Variants in MGAT1 observed in about 807,000 individuals in gnomAD.
MGAT1 encodes the protein N-glycosyl-oligosaccharide-glycoprotein N-acetylglucosaminyltransferase I.
A neutral mutation model predicts 31.7 loss-of-function variants in MGAT1; 14 were observed. That is an observed-to-expected ratio of 0.44 (90% CI 0.29 to 0.69). The LOEUF (loss-of-function observed/expected upper bound fraction) is 0.69, where lower values mean the gene tolerates loss of function less well. MGAT1 is among the 30% of genes least tolerant of loss of function. The pLI, the probability that MGAT1 is intolerant of heterozygous loss-of-function variation, is 0.12. For synonymous variants in MGAT1, 338 were observed against 276.0 expected (o/e 1.22, Z -2.23); for missense variants, 557 against 626.0 (o/e 0.89, Z 1.18).
At chr5:180,800,860 C>G (rs1339961230) in intron 1 of MGAT1, among the ~76,000 whole-genome samples, 1 of 152,360 alleles carries the variant, frequency 6.6e-6, no homozygotes, top group South Asian at 2.1e-4. Flanking sequence ...TGCCCTTAAT[C>G]CTGACCTGAG....
At chr5:180,805,895 C>T (rs1561873557), upstream of MGAT1, among the ~76,000 whole-genome samples, 1 of 152,190 alleles carries the variant, frequency 6.6e-6, no homozygotes, top group East Asian at 1.9e-4. Context: ...GAAAGATTAA[C>T]ATAATAATCA....
intron 2 of MGAT1, among the ~76,000 whole-genome samples, chr5:180,808,350 G>C (rs1391552710): frequency 3.3e-5 from 5 of 152,060 alleles, no homozygotes; most frequent in Admixed American, 3.3e-4. Flanking sequence ...TGTTGGAAGG[G>C]CCTTTAAAGG....
At chr5:180,794,617 G>A (rs546150148) in intron 1 of MGAT1, among the ~76,000 whole-genome samples, 3 of 152,204 alleles carry the variant, frequency 2.0e-5, no homozygotes, top group South Asian at 2.1e-4. Flanking sequence ...TAATAATTAC[G>A]TAGCTATGCT....
At chr5:180,802,515 C>G (rs1771059790) in intron 1 of MGAT1, among the ~76,000 whole-genome samples, 165 bp downstream of exon 1, 1 of 152,240 alleles carries the variant, frequency 6.6e-6, no homozygotes, top group South Asian at 2.1e-4. Flanking sequence ...AAGGGACTAA[C>G]GCGCAGCTGG....
At position 180,786,099 on chromosome 5, in the gene MGAT1, G is replaced by A. The variant is rs75657520; in HGVS notation, c.*5535C>T. On this transcript the variant is annotated 3_prime_UTR_variant, in exon 2 of 2. Transcript: ENST00000307826. The stretch of plus-strand genomic sequence containing the variant: ...CAGGGCAGCATTTGCTGTGAGCTGG[G>A]AGCCATGTGTTGAAGACGGCGGAAC... The A allele has an allele frequency of 0.024, 3,719 of 152,384 alleles. 65 individuals carry two copies. Among genetic ancestry groups the A allele is most frequent in the Non-Finnish European group, 0.034 (2,338 of 68,046 alleles). 9.4% of individuals were successfully genotyped at this position (152,384 alleles called of 1,614,324 possible). A position where few individuals can be genotyped will look rare whatever the true frequency, so the allele number is the denominator to read the frequency against.
chr5:180,800,673 C>T (rs1770559612), intron 1 of MGAT1, among the ~76,000 whole-genome samples: 2 of 151,494 alleles, frequency 1.3e-5, no homozygotes, highest in African/African-American at 4.9e-5. Context: ...GTCTTACTCA[C>T]TGGTCAAGGG....
rs1253028457 is a variant in MGAT1 at position 180,786,464 on chromosome 5, C to T, written c.*5170G>A. Reference sequence around the variant, plus strand: ...CTGTAGTCGCCCATACAATCACTCCCTTCTTAGTAACAGGAATCTTAATTT... The same window carrying T: ...CTGTAGTCGCCCATACAATCACTCCTTTCTTAGTAACAGGAATCTTAATTT... On this transcript the variant is annotated 3_prime_UTR_variant, in exon 2 of 2. Transcript: ENST00000307826. 1 of 152,266 alleles carries T rather than the reference C, an allele frequency of 6.6e-6. No homozygotes were observed. The highest frequency in any genetic ancestry group is 1.5e-5 in the Non-Finnish European group (1 of 68,064). The allele number at this position is 152,266 out of a possible 1,614,324, so 9.4% of individuals were successfully genotyped here.
chr5:180,794,462 G>A (rs1768928582), intron 1 of MGAT1, among the ~76,000 whole-genome samples: 2 of 149,676 alleles, frequency 1.3e-5, no homozygotes, highest in South Asian at 4.2e-4. Flanking sequence ...TTACAACTGC[G>A]TGGTACTGGT....
rs891815607 is a variant in MGAT1 at position 180,788,727 on chromosome 5, A to G, written c.*2907T>C. On this transcript the variant is annotated 3_prime_UTR_variant, in exon 2 of 2. Coordinates refer to ENST00000307826, the MANE Select transcript of MGAT1 (RefSeq NM_002406.4). ...GGTACTTATCCTGGAGCACTAAGTA[A>G]GTTGGTACTTATCCTGGAGCACTAA... 1.5e-5 allele frequency: 2 copies of G among 133,558 alleles called. No individual in the cohort carries two copies. The highest frequency in any genetic ancestry group is 5.6e-5 in the African/African-American group (2 of 35,612). The allele number at this position is 133,558 out of a possible 1,614,324, so 8.3% of individuals were successfully genotyped here. A position where few individuals can be genotyped will look rare whatever the true frequency, so the allele number is the denominator to read the frequency against.
At chr5:180,809,124 A>C (rs1226933791) in intron 1 of MGAT1, 1 of 152,118 alleles carries the variant, frequency 6.6e-6, no homozygotes. Flanking sequence ...AGATACCCAA[A>C]TAGAGTCCTA....
chr5:180,794,732 G>C (rs538008256), intron 1 of MGAT1, among the ~76,000 whole-genome samples: 3 of 152,228 alleles, frequency 2.0e-5, no homozygotes, highest in East Asian at 3.9e-4. Flanking sequence ...TGGATCACAA[G>C]GGGGGCAGGG....
chr5:180,808,549 T>C (rs1256585946), intron 2 of MGAT1: 1 of 152,276 alleles, frequency 6.6e-6, no homozygotes, highest in Non-Finnish European at 1.5e-5. Flanking sequence ...CTCATCTGGA[T>C]AAGATTTCCT....
At chr5:180,805,385 C>T (rs1771712497), upstream of MGAT1, among the ~76,000 whole-genome samples, 1 of 152,200 alleles carries the variant, frequency 6.6e-6, no homozygotes, top group Non-Finnish European at 1.5e-5. Flanking sequence ...CCCAAGATCC[C>T]TGACACTTTT....
intron 1 of MGAT1, among the ~76,000 whole-genome samples, chr5:180,812,845 A>T (rs994264018): frequency 8.5e-5 from 13 of 152,354 alleles, no homozygotes; most frequent in African/African-American, 2.6e-4. Context: ...TTAAAAAATT[A>T]TTAAAAAATA....
At chr5:180,793,854 A>C (rs1768767231) in intron 1 of MGAT1, among the ~76,000 whole-genome samples, 1 of 152,214 alleles carries the variant, frequency 6.6e-6, no homozygotes, top group African/African-American at 2.4e-5. Flanking sequence ...AATAAACTTA[A>C]ATAAACTTAA....
chr5:180,810,876 A>G (rs1029000858), intron 1 of MGAT1: 1 of 152,210 alleles, frequency 6.6e-6, no homozygotes, highest in East Asian at 1.9e-4. Flanking sequence ...GCCCTCTGAC[A>G]GGTGCTGTTG....
intron 1 of MGAT1, among the ~76,000 whole-genome samples, 187 bp from the exon 2 acceptor site, chr5:180,793,284 A>C (rs896361181): frequency 2.0e-5 from 3 of 152,182 alleles, no homozygotes; most frequent in African/African-American, 7.2e-5. Context: ...AGGGAGAGGC[A>C]GAGAGTGATG....
chr5:180,801,308 A>C (rs1770717351), intron 1 of MGAT1, among the ~76,000 whole-genome samples: 2 of 152,266 alleles, frequency 1.3e-5, no homozygotes, highest in South Asian at 2.1e-4. Flanking sequence ...CAGAAGTGGA[A>C]GAAATGGTAA....
rs1296613151 is a variant in MGAT1, at chr5:180,792,316, A to T, written c.656T>A (p.Phe219Tyr). ...EDDLEVAPDF[F>Y]EYFRATYPLL... ...CGGATAGGTGGCCCGAAAGTACTCGAAGAAGTCCGGGGCCACCTCCAGGTC... is the reference window on the plus strand; with the variant it reads ...CGGATAGGTGGCCCGAAAGTACTCGTAGAAGTCCGGGGCCACCTCCAGGTC... The change falls in exon 2 of 2, where the codon TTC (phenylalanine) becomes TAC (tyrosine). Residue 219 changes from phenylalanine (F) to tyrosine (Y), a missense_variant. Transcript: ENST00000307826. 2 of 1,610,396 alleles carry T rather than the reference A, an allele frequency of 1.2e-6. No individual in the cohort carries two copies. Among genetic ancestry groups the T allele is most frequent in the Admixed American group, 3.3e-5 (2 of 59,950 alleles).
Sources: gnomAD v4.1 joint callset for allele counts (sites outside exome capture counted in the v4.1 genomes callset) on GRCh38, gnomAD v4.1.1 for gene constraint, MANE v1.5 for transcripts, NCBI Gene and HGNC (gene_info 2026-07-23, HGNC 2026-07-21) for gene names.